Variants in ABCB7 observed in about 807,000 individuals in gnomAD.
ABCB7 encodes the protein ATP binding cassette subfamily B member 7.
ABCB7 carries 7 observed loss-of-function variants against 54.4 expected under a neutral mutation model. The ratio of observed to expected loss-of-function variants is 0.13; its 90% confidence interval spans 0.07 to 0.24. ABCB7 has a LOEUF of 0.24. Among genes scored for constraint, ABCB7 ranks in the 10% least tolerant of loss-of-function variants. The pLI is 1.00. For synonymous variants in ABCB7, 218 were observed against 207.1 expected (o/e 1.05, Z -0.45); for missense variants, 356 against 570.4 (o/e 0.62, Z 3.83).
At chrX:75,147,882 G>A (rs1321968905) in intron 1 of ABCB7, among the ~76,000 whole-genome samples, 4 of 112,228 alleles carry the variant, frequency 3.6e-5, no homozygotes, top group African/African-American at 1.3e-4. Context: ...TTGGAAGGCC[G>A]AGGTGGGCGG....
At chrX:75,108,604 G>A (rs1602379453) in intron 3 of ABCB7, among the ~76,000 whole-genome samples, 1 of 108,790 alleles carries the variant, frequency 9.2e-6, no homozygotes. Context: ...AACCACAATG[G>A]TAACAAAGAA....
chrX:75,131,392 G>A (rs1434722909), intron 1 of ABCB7, among the ~76,000 whole-genome samples: 1 of 110,968 alleles, frequency 9.0e-6, no homozygotes. Flanking sequence ...ACTTATATGT[G>A]CATTTCCTGC....
At chrX:75,119,288 G>A (rs1389041626) in intron 1 of ABCB7, among the ~76,000 whole-genome samples, 1 of 112,105 alleles carries the variant, frequency 8.9e-6, no homozygotes, top group Non-Finnish European at 1.9e-5. Flanking sequence ...TTAAAGGATT[G>A]TTTTAAGTTA....
intron 4 of ABCB7, among the ~76,000 whole-genome samples, chrX:75,085,120 G>A (rs2081487031): frequency 8.9e-6 from 1 of 112,095 alleles, no homozygotes; most frequent in South Asian, 3.7e-4. Context: ...TGGAAACTCA[G>A]GTTCACACAA....
At chrX:75,069,692 G>A (rs2081348854) in intron 10 of ABCB7, among the ~76,000 whole-genome samples, 1 of 110,034 alleles carries the variant, frequency 9.1e-6, no homozygotes. Context: ...GGTGGGGTTG[G>A]GGAGGGAGAA....
At chrX:75,056,585 A>G (rs992223937) in intron 15 of ABCB7, among the ~76,000 whole-genome samples, 3 of 111,762 alleles carry the variant, frequency 2.7e-5, no homozygotes, top group African/African-American at 9.8e-5. Flanking sequence ...AGTGAGGAAC[A>G]GTATTTAGTG....
intron 1 of ABCB7, among the ~76,000 whole-genome samples, chrX:75,135,510 G>A (rs1420521068): frequency 9.0e-6 from 1 of 111,106 alleles, no homozygotes; most frequent in East Asian, 2.8e-4. Context: ...ACCTGGCAGA[G>A]ATACAACAAC....
intron 1 of ABCB7, among the ~76,000 whole-genome samples, chrX:75,152,362 CAT>C (rs1479521345): frequency 9.0e-6 from 1 of 111,557 alleles, no homozygotes; most frequent in African/African-American, 3.3e-5. Flanking sequence ...TCTTCTACCA[CAT>C]GAGGACACAG....
intron 4 of ABCB7, among the ~76,000 whole-genome samples, chrX:75,090,746 A>T (rs1049940871): frequency 6.3e-5 from 7 of 111,365 alleles, no homozygotes; most frequent in African/African-American, 1.9e-4. Flanking sequence ...CTAATCAAGC[A>T]AAAAAGAAAG....
intron 4 of ABCB7, 111 bp from the exon 5 acceptor site, chrX:75,076,765 T>TA: frequency 2.3e-6 from 2 of 872,985 alleles, no homozygotes; most frequent in Non-Finnish European, 3.2e-6. Flanking sequence ...ATTTACCACT[T>TA]ACTGGTATTA....
chrX:75,147,890 C>T (rs899207187), intron 1 of ABCB7, among the ~76,000 whole-genome samples: 1 of 111,854 alleles, frequency 8.9e-6, no homozygotes, highest in African/African-American at 3.3e-5. Flanking sequence ...CCGAGGTGGG[C>T]GGATCACCTG....
chrX:75,087,222 T>G (rs1319975081), intron 4 of ABCB7, among the ~76,000 whole-genome samples: 2 of 111,696 alleles, frequency 1.8e-5, no homozygotes, highest in African/African-American at 6.5e-5. Flanking sequence ...ACTCTTAAAT[T>G]CTTTCCTGCA....
intron 4 of ABCB7, among the ~76,000 whole-genome samples, chrX:75,078,155 G>A (rs746581991): frequency 9.1e-6 from 1 of 109,362 alleles, no homozygotes; most frequent in African/African-American, 3.3e-5. Context: ...CTTGTGATCC[G>A]CCCGCCTCGG....
At chrX:75,059,459 C>T (rs1447888573) in intron 15 of ABCB7, among the ~76,000 whole-genome samples, 1 of 107,451 alleles carries the variant, frequency 9.3e-6, no homozygotes, top group African/African-American at 3.4e-5. Flanking sequence ...AAAGTAAGAC[C>T]CTGCCTCAAA....
chrX:75,094,021 T>TATATAC (rs1555949288), intron 4 of ABCB7, among the ~76,000 whole-genome samples: 2 of 23,488 alleles, frequency 8.5e-5, no homozygotes, highest in African/African-American at 1.3e-4. Flanking sequence ...GTTATATACA[T>TATATAC]ATATATATAT....
At chrX:75,146,738 C>T (rs1324419176) in intron 1 of ABCB7, among the ~76,000 whole-genome samples, 2 of 111,520 alleles carry the variant, frequency 1.8e-5, no homozygotes, top group East Asian at 2.8e-4. Flanking sequence ...CTAAGTAATA[C>T]CATTCAGGAC....
chrX:75,139,506 C>T (rs915197923), intron 1 of ABCB7, among the ~76,000 whole-genome samples: 1 of 112,124 alleles, frequency 8.9e-6, no homozygotes, highest in African/African-American at 3.2e-5. Flanking sequence ...ACTCTCTCAT[C>T]TGAGAGTAGT....
chrX:75,091,169 C>G (rs2081541061), intron 4 of ABCB7, among the ~76,000 whole-genome samples: 1 of 110,598 alleles, frequency 9.0e-6, no homozygotes, highest in Non-Finnish European at 1.9e-5. Context: ...TACAGACCAC[C>G]CTCTTTCCTG....
At chrX:75,104,549 T>TA (rs1046736701) in intron 3 of ABCB7, among the ~76,000 whole-genome samples, 20 of 109,943 alleles carry the variant, frequency 1.8e-4, no homozygotes, top group African/African-American at 5.6e-4. Flanking sequence ...GAATCAGTAA[T>TA]AAAAAACCTC....
Sources: gnomAD v4.1 joint callset for allele counts (sites outside exome capture counted in the v4.1 genomes callset) on GRCh38, gnomAD v4.1.1 for gene constraint, MANE v1.5 for transcripts, NCBI Gene and HGNC (gene_info 2026-07-23, HGNC 2026-07-21) for gene names.